The following DOCK4 variants were observed in gnomAD, a reference collection of about 807,000 sequenced individuals.
DOCK4 encodes the protein dedicator of cytokinesis 4, also known as dedicator of cytokinesis protein 4.
In DOCK4, 97 loss-of-function variants were observed where a neutral mutation model predicts 268.1. The observed-to-expected ratio is 0.36, with a 90% CI of 0.31 to 0.43. The LOEUF (loss-of-function observed/expected upper bound fraction) is 0.43, where lower values mean the gene tolerates loss of function less well. Among genes scored for constraint, DOCK4 ranks in the 20% least tolerant of loss-of-function variants. DOCK4 has a pLI of 1.00. For missense variants in DOCK4, 2,145 were observed against 2,455.7 expected (o/e 0.87, Z 2.67); for synonymous variants, 954 against 887.2 (o/e 1.08, Z -1.34).
intron 1 of DOCK4, among the ~76,000 whole-genome samples, chr7:112,125,970 GAC>G (rs1813184968): frequency 6.6e-6 from 1 of 152,014 alleles, no homozygotes; most frequent in Non-Finnish European, 1.5e-5. Flanking sequence ...CACCATGCAT[GAC>G]TAATTTTTTG....
At chr7:112,048,523 A>G (rs1328122893) in intron 1 of DOCK4, among the ~76,000 whole-genome samples, 1 of 151,810 alleles carries the variant, frequency 6.6e-6, no homozygotes, top group African/African-American at 2.4e-5. Flanking sequence ...AGATCAAGCC[A>G]TTGCACTCCA....
intron 1 of DOCK4, among the ~76,000 whole-genome samples, chr7:112,170,005 C>G (rs940199752): frequency 2.0e-5 from 3 of 152,098 alleles, no homozygotes; most frequent in African/African-American, 7.2e-5. Context: ...TACACAACCC[C>G]TGTAAGTTCA....
intron 4 of DOCK4, among the ~76,000 whole-genome samples, chr7:111,996,742 C>A (rs766627526): frequency 3.3e-5 from 5 of 152,258 alleles, no homozygotes; most frequent in African/African-American, 1.2e-4. Context: ...ACTTTACCCA[C>A]ATTTAAACTT....
chr7:111,802,323 A>C (rs909356628), intron 30 of DOCK4, among the ~76,000 whole-genome samples: 8 of 152,150 alleles, frequency 5.3e-5, no homozygotes, highest in African/African-American at 1.9e-4. Flanking sequence ...CAGGTCTTGC[A>C]TTTCTTCCAT....
At position 111,857,062 on chromosome 7, in the gene DOCK4, G is replaced by A. The variant is rs529000869; in HGVS notation, c.2473+6310C>T. ...TGTCATTTTTAAGAATAAAAGAAAT[G>A]TAATCACTTGCAATGCAATAAAACC... On this transcript the variant is annotated intron_variant, in intron 23 of 52. Transcript: ENST00000428084. Among the ~76,000 whole-genome samples the A allele has an allele frequency of 3.9e-5, 6 of 152,246 alleles. No individual in the cohort carries two copies. The South Asian group carries it at 1.2e-3, about 32-fold the overall frequency.
intron 23 of DOCK4, among the ~76,000 whole-genome samples, chr7:111,848,627 G>C (rs1164127818): frequency 6.6e-6 from 1 of 152,134 alleles, no homozygotes; most frequent in Non-Finnish European, 1.5e-5. Flanking sequence ...ACTTCCTAAA[G>C]CTGAATCGAT....
At chr7:112,105,612 T>C (rs1330688785) in intron 1 of DOCK4, among the ~76,000 whole-genome samples, 1 of 151,348 alleles carries the variant, frequency 6.6e-6, no homozygotes, top group African/African-American at 2.4e-5. Context: ...CTTTCTTCTT[T>C]CCTTTTTCCT....
intron 26 of DOCK4, among the ~76,000 whole-genome samples, chr7:111,824,523 G>T (rs1199163699): frequency 6.6e-6 from 1 of 152,052 alleles, no homozygotes; most frequent in Non-Finnish European, 1.5e-5. Flanking sequence ...AGTTGTAAGA[G>T]AACTGGAAAC....
At chr7:112,111,313 T>C (rs1409436314) in intron 1 of DOCK4, among the ~76,000 whole-genome samples, 1 of 152,070 alleles carries the variant, frequency 6.6e-6, no homozygotes, top group Non-Finnish European at 1.5e-5. Context: ...TGACCCACCT[T>C]GTGTGTGGAG....
In DOCK4 at chr7:111,741,121, T is replaced by C; in HGVS notation, c.5013A>G (p.Glu1671=). Residue 1671 remains glutamate (E), a synonymous_variant, in exon 47 of 53, where the codon GAA becomes GAG. Coordinates refer to ENST00000428084, the MANE Select transcript of DOCK4 (RefSeq NM_001363540.2). ...AEVSNITGQS[E]SSDEVFNMQP... The stretch of plus-strand genomic sequence containing the variant: ...GCATGTTAAAGACTTCATCAGAGCT[T>C]TCTGATTGCCCTGTAATATTGCTTA... 6.2e-7 allele frequency: 1 copy of C among 1,613,872 alleles called. No individual in the cohort carries two copies. The highest frequency in any genetic ancestry group is 8.5e-7 in the Non-Finnish European group (1 of 1,179,838).
At position 111,998,370 on chromosome 7, in the gene DOCK4, T is replaced by C. The variant is rs1026213521; in HGVS notation, c.218+78A>G. On this transcript the variant is annotated intron_variant, in intron 4 of 52. Coordinates refer to ENST00000428084, the MANE Select transcript of DOCK4 (RefSeq NM_001363540.2). ...TTCTACAGTTCATTTTTCAAGACAA[T>C]TACTATGCCTTTCAAATTCCAAAAG... 3 of 1,150,210 alleles carry C rather than the reference T, an allele frequency of 2.6e-6. No homozygotes were observed. In the African/African-American group the frequency reaches 4.7e-5, roughly 18 times the overall value. 71.3% of individuals were successfully genotyped at this position (1,150,210 alleles called of 1,614,324 possible).
intron 1 of DOCK4, among the ~76,000 whole-genome samples, chr7:112,161,707 G>T (rs1254080997): frequency 6.6e-6 from 1 of 152,172 alleles, no homozygotes; most frequent in Non-Finnish European, 1.5e-5. Context: ...CTCTCCTGGG[G>T]ATGACTTGAG....
At chr7:112,071,409 T>C (rs1476794404) in intron 1 of DOCK4, among the ~76,000 whole-genome samples, 1 of 152,208 alleles carries the variant, frequency 6.6e-6, no homozygotes, top group Admixed American at 6.5e-5. Context: ...CAATCAATAC[T>C]GACCGAGGAG....
chr7:111,888,752 T>C (rs1808050594), intron 16 of DOCK4, among the ~76,000 whole-genome samples: 1 of 152,066 alleles, frequency 6.6e-6, no homozygotes, highest in Non-Finnish European at 1.5e-5. Context: ...TCACTGGCCC[T>C]CAAAATACAA....
chr7:111,860,426 C>A (rs952069714), intron 23 of DOCK4, among the ~76,000 whole-genome samples: 3 of 152,180 alleles, frequency 2.0e-5, no homozygotes, highest in Non-Finnish European at 4.4e-5. Flanking sequence ...TCTTCAATGA[C>A]GAGTTAGGAA....
intron 26 of DOCK4, among the ~76,000 whole-genome samples, chr7:111,827,968 T>A (rs1260922688): frequency 2.0e-5 from 3 of 152,152 alleles, no homozygotes; most frequent in Admixed American, 2.0e-4. Context: ...AGCTCATGTA[T>A]AATCTTGTGC....
intron 1 of DOCK4, among the ~76,000 whole-genome samples, chr7:112,011,951 T>C (rs974931979): frequency 6.6e-6 from 1 of 151,032 alleles, no homozygotes; most frequent in Non-Finnish European, 1.5e-5. Flanking sequence ...GTGAATTAGA[T>C]GGAGGCTTGG....
At position 111,758,616 on chromosome 7, in the gene DOCK4, C is replaced by T; in HGVS notation, c.4329+8G>A. 6.2e-7 allele frequency: 1 copy of T among 1,613,574 alleles called. No homozygotes were observed. The highest frequency in any genetic ancestry group is 8.5e-7 in the Non-Finnish European group (1 of 1,179,690). ...AGGAGTTAGCATGTAATAAGAATTGCATGGTACCTTGAATTCATTCTCTTT... is the reference window on the plus strand; with the variant it reads ...AGGAGTTAGCATGTAATAAGAATTGTATGGTACCTTGAATTCATTCTCTTT... On this transcript the variant is annotated splice_region_variant and intron_variant, in intron 41 of 52. Coordinates refer to ENST00000428084, the MANE Select transcript of DOCK4 (RefSeq NM_001363540.2).
chr7:111,855,874 T>C (rs1373197808), intron 23 of DOCK4, among the ~76,000 whole-genome samples: 1 of 152,254 alleles, frequency 6.6e-6, no homozygotes, highest in Non-Finnish European at 1.5e-5. Flanking sequence ...GTGGAGTCTG[T>C]CCATAATAAA....
Sources: gnomAD v4.1 joint callset for allele counts (sites outside exome capture counted in the v4.1 genomes callset) on GRCh38, gnomAD v4.1.1 for gene constraint, MANE v1.5 for transcripts, NCBI Gene and HGNC (gene_info 2026-07-23, HGNC 2026-07-21) for gene names.